The following MSH3 variants were observed in gnomAD, a reference collection of about 807,000 sequenced individuals.
The protein encoded by MSH3 is mutS homolog 3.
MSH3 carries 106 observed loss-of-function variants against 123.3 expected under a neutral mutation model. The observed-to-expected ratio is 0.86, with a 90% CI of 0.73 to 1.01. The LOEUF is 1.01. MSH3 is among the 50% of genes least tolerant of loss of function. The probability of loss-of-function intolerance (pLI) is 0.00; values close to 1 mark genes in which losing one functional copy is unlikely to be tolerated. For missense variants in MSH3, 1,459 were observed against 1,347.6 expected (o/e 1.08, Z -1.29); for synonymous variants, 515 against 481.4 (o/e 1.07, Z -0.91).
At chr5:80,755,859 A>T (rs1561467354) in intron 12 of MSH3, among the ~76,000 whole-genome samples, 1 of 152,174 alleles carries the variant, frequency 6.6e-6, no homozygotes, top group East Asian at 1.9e-4. Flanking sequence ...GAGGTGACAA[A>T]TACGTCTTGA....
intron 8 of MSH3, among the ~76,000 whole-genome samples, chr5:80,712,440 C>T (rs1263501416): frequency 6.6e-6 from 1 of 152,016 alleles, no homozygotes; most frequent in Non-Finnish European, 1.5e-5. Flanking sequence ...TTTATTTTTC[C>T]TGGTAATAAG....
chr5:80,740,871 T>G (rs1298327609), intron 10 of MSH3, among the ~76,000 whole-genome samples: 4 of 151,988 alleles, frequency 2.6e-5, no homozygotes, highest in African/African-American at 9.7e-5. Flanking sequence ...CGTGCCACCA[T>G]GCCTGGCTAA....
intron 10 of MSH3, among the ~76,000 whole-genome samples, chr5:80,734,761 G>T (rs114820182): frequency 6.6e-6 from 1 of 152,130 alleles, no homozygotes; most frequent in African/African-American, 2.4e-5. Context: ...CCCTTCAGCA[G>T]ATCTCTGGAG....
At chr5:80,666,816 A>G (rs1372230223) in intron 3 of MSH3, among the ~76,000 whole-genome samples, 2 of 152,222 alleles carry the variant, frequency 1.3e-5, no homozygotes, top group Admixed American at 1.3e-4. Context: ...GTCCAGGACC[A>G]TTAGGGTGGG....
intron 13 of MSH3, among the ~76,000 whole-genome samples, chr5:80,762,994 C>G (rs1004409674): frequency 6.6e-6 from 1 of 151,804 alleles, no homozygotes; most frequent in Admixed American, 6.6e-5. Flanking sequence ...TTACAGGCAC[C>G]CGCCACTATG....
At chr5:80,658,037 C>CTTTTTTTTTT (rs397942439) in intron 2 of MSH3, among the ~76,000 whole-genome samples, 6 of 116,620 alleles carry the variant, frequency 5.1e-5, no homozygotes, top group Non-Finnish European at 8.5e-5. Context: ...TTTTTGCCCT[C>CTTTTTTTTTT]TTTTTTTTTT....
chr5:80,673,085 A>T (rs986682500), intron 6 of MSH3, among the ~76,000 whole-genome samples: 1 of 152,216 alleles, frequency 6.6e-6, no homozygotes, highest in African/African-American at 2.4e-5. Context: ...ATCATACTTC[A>T]AGAGCAAGAA....
intron 12 of MSH3, among the ~76,000 whole-genome samples, chr5:80,748,197 TC>T (rs1268409671): frequency 1.3e-5 from 2 of 152,150 alleles, no homozygotes; most frequent in Non-Finnish European, 2.9e-5. Flanking sequence ...TTCTCCTAAA[TC>T]CCTTAAGCTC....
chr5:80,678,797 C>A, intron 7 of MSH3, 130 bp from the exon 8 acceptor site: 3 of 980,734 alleles, frequency 3.1e-6, no homozygotes, highest in Non-Finnish European at 4.7e-6. Context: ...AGGTTTCTAA[C>A]ACTTTAGAAA....
At chr5:80,851,067 T>C (rs564989030) in intron 20 of MSH3, among the ~76,000 whole-genome samples, 1 of 152,318 alleles carries the variant, frequency 6.6e-6, no homozygotes, top group South Asian at 2.1e-4. Context: ...ATACTAATTT[T>C]ATTGGTTGCA....
At chr5:80,794,471 G>A (rs1285679621) in intron 19 of MSH3, among the ~76,000 whole-genome samples, 1 of 152,204 alleles carries the variant, frequency 6.6e-6, no homozygotes, top group Non-Finnish European at 1.5e-5. Flanking sequence ...AAAACCTGAT[G>A]AGAATTTGGT....
At chr5:80,729,799 C>A (rs1002123007) in intron 10 of MSH3, among the ~76,000 whole-genome samples, 8 of 152,132 alleles carry the variant, frequency 5.3e-5, no homozygotes, top group African/African-American at 1.9e-4. Context: ...AGGGTACTTT[C>A]CTTGTCTTTT....
At chr5:80,813,480 A>T in intron 19 of MSH3, 104 bp from the exon 20 acceptor site, 3 of 1,184,588 alleles carry the variant, frequency 2.5e-6, no homozygotes, top group South Asian at 1.3e-5. Context: ...TATTTATGCT[A>T]CAAAGTAATG....
intron 8 of MSH3, among the ~76,000 whole-genome samples, chr5:80,692,589 C>T (rs1172309884): frequency 7.3e-6 from 1 of 137,720 alleles, no homozygotes; most frequent in Admixed American, 7.2e-5. Context: ...GAGAGATAAA[C>T]ATGTATATGT....
rs150753277 is a variant in MSH3 at position 80,682,646 on chromosome 5, A to G, written c.1340+3553A>G. Among the ~76,000 whole-genome samples the G allele has an allele frequency of 7.6e-3, 1,154 of 152,308 alleles. 9 individuals are homozygous for G. Among genetic ancestry groups the G allele is most frequent in the African/African-American group, 0.026 (1,097 of 41,560 alleles). On this transcript the variant is annotated intron_variant, in intron 8 of 23. Transcript: ENST00000265081. Reference sequence around the variant, plus strand: ...TATGGGTTACATGAGATACTTTCATACAGGCATACAATGCATAATAATTAC... The same window carrying G: ...TATGGGTTACATGAGATACTTTCATGCAGGCATACAATGCATAATAATTAC...
At chr5:80,751,671 T>C (rs566742284) in intron 12 of MSH3, among the ~76,000 whole-genome samples, 1 of 152,322 alleles carries the variant, frequency 6.6e-6, no homozygotes, top group Admixed American at 6.5e-5. Context: ...AATAAGGACA[T>C]GGTCATATTG....
At chr5:80,664,424 C>G (rs1353258646) in intron 2 of MSH3, among the ~76,000 whole-genome samples, 1 of 152,272 alleles carries the variant, frequency 6.6e-6, no homozygotes, top group African/African-American at 2.4e-5. Flanking sequence ...TAGGAGTGCT[C>G]TGGCTTCCTG....
At chr5:80,774,502 C>T (rs1744266288) in intron 15 of MSH3, among the ~76,000 whole-genome samples, 1 of 151,980 alleles carries the variant, frequency 6.6e-6, no homozygotes, top group African/African-American at 2.4e-5. Flanking sequence ...AAGGAGATAT[C>T]TGCACTGCAG....
At chr5:80,762,776 A>AC (rs1744059376) in intron 13 of MSH3, among the ~76,000 whole-genome samples, 1 of 74,620 alleles carries the variant, frequency 1.3e-5, no homozygotes, top group South Asian at 4.1e-4. Flanking sequence ...TTTTATTTTA[A>AC]TTTTTTATTT....
Sources: gnomAD v4.1 joint callset for allele counts (sites outside exome capture counted in the v4.1 genomes callset) on GRCh38, gnomAD v4.1.1 for gene constraint, MANE v1.5 for transcripts, NCBI Gene and HGNC (gene_info 2026-07-23, HGNC 2026-07-21) for gene names.